CACNG2: variants seen among roughly 807,000 people sequenced by gnomAD.
CACNG2 encodes the protein calcium voltage-gated channel auxiliary subunit gamma 2, also known as voltage-dependent calcium channel gamma-2 subunit.
CACNG2 carries 3 observed loss-of-function variants against 25.9 expected under a neutral mutation model. That is an observed-to-expected ratio of 0.12 (90% CI 0.05 to 0.30). The LOEUF (loss-of-function observed/expected upper bound fraction) is 0.30. CACNG2 is among the 10% of genes least tolerant of loss of function. The pLI is 1.00. For missense variants in CACNG2, 341 were observed against 432.5 expected (o/e 0.79, Z 1.88); for synonymous variants, 167 against 173.3 (o/e 0.96, Z 0.29).
At chr22:36,689,093 T>C (rs184522134) in intron 1 of CACNG2, among the ~76,000 whole-genome samples, 63 of 152,266 alleles carry the variant, frequency 4.1e-4, no homozygotes, top group Admixed American at 3.9e-3. Flanking sequence ...CCTGACCTCC[T>C]CAAATAAAGT....
intron 1 of CACNG2, among the ~76,000 whole-genome samples, chr22:36,680,435 C>T (rs1033324457): frequency 1.3e-5 from 2 of 150,492 alleles, no homozygotes; most frequent in African/African-American, 4.9e-5. Context: ...ACCACCACCA[C>T]CATCACCACC....
chr22:36,649,260 A>T (rs567777594), intron 1 of CACNG2, among the ~76,000 whole-genome samples: 9 of 152,176 alleles, frequency 5.9e-5, no homozygotes, highest in African/African-American at 2.2e-4. Context: ...GCTAATTCAC[A>T]TCCTGTTTCC....
chr22:36,578,106 C>A (rs2283978), intron 2 of CACNG2, among the ~76,000 whole-genome samples: 54,454 of 151,540 alleles, frequency 0.36, 9,854 homozygotes, highest in Non-Finnish European at 0.38. Flanking sequence ...TCACACCTGT[C>A]ATCCCAGCAC....
intron 1 of CACNG2, among the ~76,000 whole-genome samples, chr22:36,662,188 G>T (rs1936808926): frequency 6.6e-6 from 1 of 151,668 alleles, no homozygotes; most frequent in South Asian, 2.1e-4. Context: ...TGCCATGTTG[G>T]CCAGGCTGGT....
intron 1 of CACNG2, among the ~76,000 whole-genome samples, chr22:36,604,036 C>A (rs1054770180): frequency 1.8e-4 from 28 of 152,142 alleles, no homozygotes; most frequent in African/African-American, 6.3e-4. Flanking sequence ...AGAAAGGACT[C>A]AACATTCTAG....
At chr22:36,621,283 G>A (rs141478071) in intron 1 of CACNG2, among the ~76,000 whole-genome samples, 5,304 of 152,214 alleles carry the variant, frequency 0.035, 345 homozygotes, top group African/African-American at 0.12. Flanking sequence ...CGAGGCGGGC[G>A]AATCACCTGA....
intron 1 of CACNG2, among the ~76,000 whole-genome samples, chr22:36,675,211 C>T (rs116348515): frequency 5.3e-5 from 8 of 151,842 alleles, no homozygotes; most frequent in Non-Finnish European, 1.0e-4. Context: ...TATTTTTTTT[C>T]TTTTTCTTTT....
chr22:36,643,021 TTCCC>T (rs771035395), intron 1 of CACNG2, among the ~76,000 whole-genome samples: 32 of 146,534 alleles, frequency 2.2e-4, no homozygotes, highest in Non-Finnish European at 3.8e-4. Flanking sequence ...CCCTCCCTTC[TTCCC>T]TCCCTCCCTC....
rs141291765 is a variant in CACNG2 at position 36,620,572 on chromosome 22, G to C, written c.212-33024C>G. On this transcript the variant is annotated intron_variant, in intron 1 of 3. Coordinates refer to ENST00000300105, the MANE Select transcript of CACNG2 (RefSeq NM_006078.5). Reference sequence around the variant, plus strand: ...ACAGACTTATGAGTAAGACTCCCCAGATTTGAATTCCAGCAATATTATTGA... The same window carrying C: ...ACAGACTTATGAGTAAGACTCCCCACATTTGAATTCCAGCAATATTATTGA... Among the ~76,000 whole-genome samples the C allele has an allele frequency of 5.8e-3, 877 of 152,344 alleles. 3 individuals are homozygous for C. Among genetic ancestry groups the C allele is most frequent in the Non-Finnish European group, 9.2e-3 (626 of 68,038 alleles).
intron 1 of CACNG2, among the ~76,000 whole-genome samples, chr22:36,592,109 G>A (rs1435873990): frequency 1.3e-5 from 2 of 151,934 alleles, no homozygotes; most frequent in African/African-American, 2.4e-5. Flanking sequence ...CTAACCAGGA[G>A]GAGGTTTGTG....
chr22:36,675,478 T>C (rs1569048676), intron 1 of CACNG2, among the ~76,000 whole-genome samples: 2 of 152,212 alleles, frequency 1.3e-5, no homozygotes, highest in African/African-American at 4.8e-5. Context: ...CATCCTGCAA[T>C]ACACATAGTT....
chr22:36,625,504 T>C (rs945632300), intron 1 of CACNG2, among the ~76,000 whole-genome samples: 1 of 152,210 alleles, frequency 6.6e-6, no homozygotes, highest in Non-Finnish European at 1.5e-5. Context: ...CCTCACAAAC[T>C]CTGTGTTCAG....
In CACNG2 at chr22:36,564,792, G is replaced by T. The variant is rs745850264; in HGVS notation, c.531C>A (p.Gly177=). The T allele has an allele frequency of 1.9e-6, 3 of 1,614,114 alleles. No homozygotes were observed. The highest frequency in any genetic ancestry group is 2.5e-6 in the Non-Finnish European group (3 of 1,180,038). Residue 177 remains glycine, a synonymous_variant, in exon 4 of 4, where the codon GGC becomes GGA. Coordinates refer to ENST00000300105, the MANE Select transcript of CACNG2 (RefSeq NM_006078.5). This position sits in a 1 kb window ranked among gnomAD's most constrained non-coding sequence, Gnocchi z 6.7. ...ACAGGGCCCCGAAGTAGAAGGACCA[G>T]CCGTATGAGTAACTATTCTTTTTGG... ...SDSKKNSYSY[G]WSFYFGALSF...
At position 36,560,991 on chromosome 22, in the gene CACNG2, G is replaced by A. The variant is rs980234868; in HGVS notation, c.*3360C>T. 1.5e-4 allele frequency: 22 copies of A among 148,078 alleles called. No individual in the cohort carries two copies. The highest frequency in any genetic ancestry group is 5.0e-4 in the African/African-American group (20 of 39,868). The allele number at this position is 148,078 out of a possible 1,614,324, so 9.2% of individuals were successfully genotyped here. A position where few individuals can be genotyped will look rare whatever the true frequency, so the allele number is the denominator to read the frequency against. ...AAAAGGACTCACCAAGAAAATAAAT[G>A]GAGGTTAGTTTCTTGAACTGGTCTG... On this transcript the variant is annotated 3_prime_UTR_variant, in exon 4 of 4. Transcript: ENST00000300105.
chr22:36,641,738 C>T (rs1298146046), intron 1 of CACNG2, among the ~76,000 whole-genome samples: 1 of 152,168 alleles, frequency 6.6e-6, no homozygotes, highest in Non-Finnish European at 1.5e-5. Flanking sequence ...TTGATGATGT[C>T]TTGTCTATTG....
At chr22:36,685,348 C>G (rs1434799466) in intron 1 of CACNG2, among the ~76,000 whole-genome samples, 1 of 152,112 alleles carries the variant, frequency 6.6e-6, no homozygotes, top group East Asian at 1.9e-4. Flanking sequence ...TGCCCGCCTT[C>G]TCACGCTCTT....
intron 1 of CACNG2, among the ~76,000 whole-genome samples, chr22:36,615,811 G>A (rs1936013494): frequency 6.6e-6 from 1 of 152,074 alleles, no homozygotes; most frequent in South Asian, 2.1e-4. Context: ...AAGAAATAAT[G>A]TCACAATAGT....
chr22:36,651,962 C>T (rs927945798), intron 1 of CACNG2, among the ~76,000 whole-genome samples: 5 of 152,150 alleles, frequency 3.3e-5, no homozygotes, highest in East Asian at 3.9e-4. Context: ...CTACCAGGTT[C>T]GAGGGATTCT....
chr22:36,580,181 G>A (rs1311400666), intron 2 of CACNG2, among the ~76,000 whole-genome samples: 1 of 152,136 alleles, frequency 6.6e-6, no homozygotes, highest in Non-Finnish European at 1.5e-5. Context: ...GAGGTTCACC[G>A]GGAAGTGGCA....
Sources: allele counts gnomAD v4.1 joint callset (sites outside exome capture counted in the v4.1 genomes callset), GRCh38; gene constraint gnomAD v4.1.1; non-coding constraint Gnocchi (gnomAD v3.1); transcripts MANE v1.5; gene names NCBI Gene and HGNC (gene_info 2026-07-23, HGNC 2026-07-21).